CIMIP2A: variants seen among roughly 807,000 people sequenced by gnomAD.
CIMIP2A encodes ciliary microtubule inner protein 2A.
the CIMIP2A span, chr9:137,245,363 C>A: frequency 6.2e-7 from 1 of 1,610,626 alleles, no homozygotes; most frequent in Non-Finnish European, 8.5e-7. Context: ...GCCTCTTCCC[C>A]GTATACTGGG....
At chr9:137,244,078 G>A in the CIMIP2A span, 10 of 1,275,514 alleles carry the variant, frequency 7.8e-6, no homozygotes, top group Non-Finnish European at 1.1e-5. Context: ...TCAGACAGGT[G>A]GTCCTGAACC....
At chr9:137,254,060 C>T in the CIMIP2A span, among the ~76,000 whole-genome samples, 1 of 152,154 alleles carries the variant, frequency 6.6e-6, no homozygotes, top group Admixed American at 6.5e-5. Flanking sequence ...CAGGGTCGGG[C>T]CCCAAGGCTG....
chr9:137,254,576 G>A, the CIMIP2A span, among the ~76,000 whole-genome samples: 1 of 152,246 alleles, frequency 6.6e-6, no homozygotes, highest in African/African-American at 2.4e-5. Context: ...GCTGGGCAGC[G>A]GGAAAGAAAT....
chr9:137,244,227 C>A, the CIMIP2A span: 1 of 1,613,892 alleles, frequency 6.2e-7, no homozygotes, highest in Non-Finnish European at 8.5e-7. Flanking sequence ...GATGTGGTTG[C>A]TGGGCCAGTG....
chr9:137,252,695 C>A, the CIMIP2A span: 1 of 1,551,338 alleles, frequency 6.4e-7, no homozygotes, highest in Non-Finnish European at 8.7e-7. Flanking sequence ...GCTGCTCAGC[C>A]GGCCCGCCTT....
chr9:137,251,025 A>T, the CIMIP2A span: 4 of 477,036 alleles, frequency 8.4e-6, no homozygotes, highest in Non-Finnish European at 1.5e-5. Context: ...CCCAGGGTGC[A>T]GGAGAGGGGA....
chr9:137,251,843 G>A, the CIMIP2A span: 39 of 1,607,260 alleles, frequency 2.4e-5, no homozygotes, highest in Admixed American at 3.6e-4. Flanking sequence ...GGTTACAGAC[G>A]GGCACCCCCC....
chr9:137,253,143 C>T, the CIMIP2A span: 635 of 1,590,776 alleles, frequency 4.0e-4, no homozygotes, highest in Non-Finnish European at 5.1e-4. Context: ...CCGCCTACCA[C>T]GTGGAGGACT....
chr9:137,244,161 C>CA, the CIMIP2A span: 32 of 1,613,428 alleles, frequency 2.0e-5, no homozygotes, highest in Non-Finnish European at 2.5e-5. Flanking sequence ...ACCCTGCCCA[C>CA]TCTACTCACC....
chr9:137,249,931 A>C, the CIMIP2A span, among the ~76,000 whole-genome samples: 1 of 152,194 alleles, frequency 6.6e-6, no homozygotes, highest in Non-Finnish European at 1.5e-5. Flanking sequence ...AGTTGGTCAG[A>C]AGTTCCAGGG....
the CIMIP2A span, among the ~76,000 whole-genome samples, chr9:137,248,779 G>A: frequency 6.6e-6 from 1 of 152,052 alleles, no homozygotes; most frequent in African/African-American, 2.4e-5. Flanking sequence ...GAGGTGGGAG[G>A]ATGGCCAGAG....
the CIMIP2A span, chr9:137,244,656 A>T: frequency 6.2e-7 from 1 of 1,613,788 alleles, no homozygotes; most frequent in Non-Finnish European, 8.5e-7. Context: ...CTCTTGTCGA[A>T]TTCGTCCATG....
the CIMIP2A span, among the ~76,000 whole-genome samples, chr9:137,246,138 C>T: frequency 6.6e-6 from 1 of 152,266 alleles, no homozygotes; most frequent in Non-Finnish European, 1.5e-5. Context: ...CCTCTCCCAC[C>T]CCTCATTCCA....
chr9:137,244,885 A>C, the CIMIP2A span: 2 of 1,572,678 alleles, frequency 1.3e-6, no homozygotes, highest in Admixed American at 1.9e-5. Context: ...CCAAATGGGA[A>C]CAGGCAGGCA....
chr9:137,251,175 C>G, the CIMIP2A span: 1 of 846,452 alleles, frequency 1.2e-6, no homozygotes. Context: ...CCGGGGCAGC[C>G]CCTCCAGGGC....
chr9:137,252,222 C>T, the CIMIP2A span: 25 of 1,516,198 alleles, frequency 1.6e-5, no homozygotes, highest in East Asian at 1.1e-4. Context: ...GAAACCCCCA[C>T]GGCCTGAGGG....
At chr9:137,254,100 C>T in the CIMIP2A span, among the ~76,000 whole-genome samples, 2 of 152,218 alleles carry the variant, frequency 1.3e-5, no homozygotes, top group Non-Finnish European at 2.9e-5. Context: ...CCTGCGGTGC[C>T]GTCACCCGCA....
chr9:137,244,083 T>C, the CIMIP2A span: 1 of 1,345,390 alleles, frequency 7.4e-7, no homozygotes, highest in Non-Finnish European at 1.1e-6. Flanking sequence ...CAGGTGGTCC[T>C]GAACCAGCAA....
chr9:137,252,289 A>C, the CIMIP2A span: 1 of 1,335,600 alleles, frequency 7.5e-7, no homozygotes, highest in Non-Finnish European at 1.0e-6. Context: ...GGAGGCCTGG[A>C]GAGAGGAGGG....
Sources: gnomAD v4.1 joint callset for allele counts (sites outside exome capture counted in the v4.1 genomes callset) on GRCh38, gnomAD v4.1.1 for gene constraint, MANE v1.5 for transcripts, NCBI Gene and HGNC (gene_info 2026-07-23, HGNC 2026-07-21) for gene names.